Variants in CLEC4F observed in about 807,000 individuals in gnomAD.
The protein encoded by CLEC4F is C-type (calcium dependent, carbohydrate-recognition domain) lectin, superfamily member 13.
A neutral mutation model predicts 53.4 loss-of-function variants in CLEC4F; 45 were observed. The ratio of observed to expected loss-of-function variants is 0.84; its 90% CI spans 0.66 to 1.08. The LOEUF is 1.08. Among genes scored for constraint, CLEC4F ranks in the 50% least tolerant of loss-of-function variants. The pLI is 0.00. For synonymous variants in CLEC4F, 245 were observed against 257.5 expected (o/e 0.95, Z 0.46); for missense variants, 753 against 698.2 (o/e 1.08, Z -0.88).
chr2:70,811,318 T>C (rs1405257152), intron 5 of CLEC4F: 2 of 1,006,200 alleles, frequency 2.0e-6, no homozygotes, highest in Non-Finnish European at 1.5e-6. Flanking sequence ...TTGTCAATAT[T>C]GGAGCAATCT....
intron 2 of CLEC4F, 145 bp from the exon 3 acceptor site, chr2:70,819,589 G>T: frequency 1.1e-6 from 1 of 904,480 alleles, no homozygotes; most frequent in Non-Finnish European, 1.8e-6. Flanking sequence ...CTCAGTTCTT[G>T]GGAGGCTCCC....
chr2:70,812,471 T>C lies in CLEC4F; in HGVS notation c.1515A>G (p.Ala505=). 6.2e-7 allele frequency: 1 copy of C among 1,614,174 alleles called. No homozygotes were observed. The highest frequency in any genetic ancestry group is 8.5e-7 in the Non-Finnish European group (1 of 1,180,044). The stretch of plus-strand genomic sequence containing the variant: ...CCTGCTCCTCCTTGGAGGCCACAGA[T>C]GCCAGATGGGCTCCCTGGGACACGC... ...QFCVSQGAHL[A]SVASKEEQAF... is the part of the protein sequence containing the mutation. Residue 505 remains alanine (A), a synonymous_variant, in exon 5 of 7, where the codon GCA becomes GCG. Transcript: ENST00000272367.
intron 5 of CLEC4F, 137 bp downstream of exon 5, chr2:70,812,310 C>T (rs1487035113): frequency 4.6e-6 from 4 of 868,254 alleles, no homozygotes; most frequent in Non-Finnish European, 7.1e-6. Context: ...TCAGAACTCA[C>T]TCAATATTTG....
chr2:70,824,348 C>T (rs1395472329), upstream of CLEC4F, among the ~76,000 whole-genome samples: 1 of 152,052 alleles, frequency 6.6e-6, no homozygotes, highest in Non-Finnish European at 1.5e-5. Context: ...TACCCCCTCT[C>T]AAGTCCTGTC....
In CLEC4F at chr2:70,819,896, A is replaced by G. The variant is rs1677142899; in HGVS notation, c.62-5T>C. ...CCATTGCCACAGAGTCCACCTCTGC[A>G]GGGGAGAAGGCAGTGTCCAAGGTGA... On this transcript the variant is annotated splice_region_variant and splice_polypyrimidine_tract_variant and intron_variant, in intron 1 of 6. Transcript: ENST00000272367. The G allele has an allele frequency of 1.3e-6, 2 of 1,570,972 alleles. No individual in the cohort carries two copies. Among genetic ancestry groups the G allele is most frequent in the Admixed American group, 1.8e-5 (1 of 54,070 alleles).
In CLEC4F at chr2:70,811,396, C is replaced by T. The variant is rs1315516990; in HGVS notation, c.1539+1051G>A. The T allele has an allele frequency of 1.9e-5, 14 of 727,894 alleles. No homozygotes were observed. In the African/African-American group the frequency reaches 1.9e-4, roughly 10 times the overall value. The allele number at this position is 727,894 out of a possible 1,614,324, so 45.1% of individuals were successfully genotyped here. On this transcript the variant is annotated intron_variant, in intron 5 of 6. Coordinates refer to ENST00000272367, the MANE Select transcript of CLEC4F (RefSeq NM_173535.3). ...CTGTCCATTTTATCAAAGGATTCAT[C>T]AGGCCAATTATAGATATCCTGTGCC...
chr2:70,811,847 G>T (rs532722773), intron 5 of CLEC4F, among the ~76,000 whole-genome samples: 2 of 152,116 alleles, frequency 1.3e-5, no homozygotes, highest in South Asian at 4.1e-4. Context: ...CCACTTCGGT[G>T]AATAACTTGA....
intron 6 of CLEC4F, 118 bp downstream of exon 6, chr2:70,809,621 A>G: frequency 1.2e-6 from 1 of 811,608 alleles, no homozygotes; most frequent in Non-Finnish European, 2.0e-6. Flanking sequence ...TACACACCAC[A>G]CACGTCACAC....
At chr2:70,813,152 A>T (rs1553394717) in intron 4 of CLEC4F, among the ~76,000 whole-genome samples, 1 of 152,182 alleles carries the variant, frequency 6.6e-6, no homozygotes, top group Non-Finnish European at 1.5e-5. Flanking sequence ...CTTTGGCGTC[A>T]TCTATGCCAC....
In CLEC4F at chr2:70,809,875, T is replaced by G; in HGVS notation, c.1540-18A>C. 1 of 1,577,670 alleles carries G rather than the reference T, an allele frequency of 6.3e-7. No individual in the cohort carries two copies. The highest frequency in any genetic ancestry group is 8.7e-7 in the Non-Finnish European group (1 of 1,146,644). The stretch of plus-strand genomic sequence containing the variant: ...AGAAATGCCTGCAGAGAAAAGGCAG[T>G]GTCAGTTTGCCCCTGTGTGTGGGGA... On this transcript the variant is annotated intron_variant, in intron 5 of 6. Coordinates refer to ENST00000272367, the MANE Select transcript of CLEC4F (RefSeq NM_173535.3).
rs782324435 is a variant in CLEC4F at position 70,817,110 on chromosome 2, G to A, written c.271C>T (p.His91Tyr). Residue 91 changes from histidine to tyrosine, a missense_variant and splice_region_variant, in exon 4 of 7, where the codon CAT (histidine) becomes TAT (tyrosine). Physicochemically the swap from His to Tyr is moderately conservative, Grantham distance 83. Transcript: ENST00000272367. Reference sequence around the variant, plus strand: ...TCTGCCTCCCTGCCAAAGTGGTGATGATCTGGAGGGAGGAAGTGAAGAAGG... The same window carrying A: ...TCTGCCTCCCTGCCAAAGTGGTGATAATCTGGAGGGAGGAAGTGAAGAAGG... Reference protein sequence around the residue: ...TGHLPFEPNNHHHFGREAEMR... With the variant: ...TGHLPFEPNNYHHFGREAEMR... The A allele has an allele frequency of 6.2e-7, 1 of 1,604,282 alleles. No individual in the cohort carries two copies. Among genetic ancestry groups the A allele is most frequent in the Non-Finnish European group, 8.5e-7 (1 of 1,178,344 alleles).
chr2:70,812,848 T>TA (rs1436283105), intron 4 of CLEC4F, among the ~76,000 whole-genome samples: 1 of 152,212 alleles, frequency 6.6e-6, no homozygotes, highest in Non-Finnish European at 1.5e-5. Context: ...TCTTTCCAGA[T>TA]ACCTGCTTCC....
upstream of CLEC4F, among the ~76,000 whole-genome samples, chr2:70,823,390 C>G (rs1353753270): frequency 1.3e-5 from 2 of 152,140 alleles, no homozygotes; most frequent in Non-Finnish European, 2.9e-5. Flanking sequence ...CATCAGACAC[C>G]CAGGGCTGGT....
chr2:70,819,763 C>A lies in CLEC4F; in HGVS notation c.178+12G>T. On this transcript the variant is annotated intron_variant, in intron 2 of 6. Coordinates refer to ENST00000272367, the MANE Select transcript of CLEC4F (RefSeq NM_173535.3). ...AGAAAGTTAGTGAGATTTGGGTCAC[C>A]TGGGGGCTTACCCACTACAAAGAGA... 1 of 1,562,070 alleles carries A rather than the reference C, an allele frequency of 6.4e-7. No individual in the cohort carries two copies. Among genetic ancestry groups the A allele is most frequent in the Non-Finnish European group, 8.7e-7 (1 of 1,152,960 alleles).
At chr2:70,809,636 A>G in intron 6 of CLEC4F, 103 bp downstream of exon 6, 1 of 933,372 alleles carries the variant, frequency 1.1e-6, no homozygotes. Context: ...TCACACACAC[A>G]TATACACACA....
At position 70,819,460 on chromosome 2, in the gene CLEC4F, T is replaced by C; in HGVS notation, c.179-16A>G. ...TGCTGTTGAACTGAGACATTCCATT[T>C]TTCCAGGTCAGCAAATCCCCAGCCC... is the stretch of plus-strand genomic sequence containing the variant. On this transcript the variant is annotated splice_polypyrimidine_tract_variant and intron_variant, in intron 2 of 6. Coordinates refer to ENST00000272367, the MANE Select transcript of CLEC4F (RefSeq NM_173535.3). The C allele has an allele frequency of 6.2e-7, 1 of 1,612,544 alleles. No individual in the cohort carries two copies. The highest frequency in any genetic ancestry group is 8.5e-7 in the Non-Finnish European group (1 of 1,178,576).
chr2:70,810,293 G>A (rs1676475795), intron 5 of CLEC4F, among the ~76,000 whole-genome samples: 2 of 152,116 alleles, frequency 1.3e-5, no homozygotes, highest in South Asian at 4.2e-4. Context: ...CCACACTGAT[G>A]AATATACAGC....
At chr2:70,819,668 A>G in intron 2 of CLEC4F, 107 bp downstream of exon 2, 1 of 886,024 alleles carries the variant, frequency 1.1e-6, no homozygotes, top group Non-Finnish European at 1.8e-6. Flanking sequence ...AGGTGGAATG[A>G]TCTTTCTGGG....
chr2:70,810,142 T>C (rs1453296155), intron 5 of CLEC4F, among the ~76,000 whole-genome samples: 3 of 151,818 alleles, frequency 2.0e-5, no homozygotes, highest in African/African-American at 4.8e-5. Context: ...CTCACTCTTT[T>C]TTTTTTTTTT....
Sources: allele counts gnomAD v4.1 joint callset (sites outside exome capture counted in the v4.1 genomes callset), GRCh38; gene constraint gnomAD v4.1.1; transcripts MANE v1.5; gene names NCBI Gene and HGNC (gene_info 2026-07-23, HGNC 2026-07-21).